Variants in ZNF438 observed in about 807,000 individuals in gnomAD.
The protein encoded by ZNF438 is zinc finger protein 438.
ZNF438 carries 25 observed loss-of-function variants against 38.0 expected under a neutral mutation model. The ratio of observed to expected loss-of-function variants is 0.66; its 90% CI spans 0.48 to 0.92. The LOEUF is 0.92. Ranked by LOEUF, ZNF438 falls within the 40% of genes least tolerant of loss-of-function variation. The probability of loss-of-function intolerance (pLI) is 0.00; values close to 1 mark genes in which losing one functional copy is unlikely to be tolerated. For missense variants in ZNF438, 1,007 were observed against 999.6 expected, an observed-to-expected ratio of 1.01 and a Z score of -0.10; for synonymous variants, 372 against 364.1, an observed-to-expected ratio of 1.02 and a Z score of -0.25.
At chr10:30,849,482 A>T in exon 5 of ZNF438, 1 of 1,614,156 alleles carries the variant, frequency 6.2e-7, no homozygotes, top group Non-Finnish European at 8.5e-7. Context: ...ATCTGATTTG[A>T]TTTTGTAAAC....
chr10:31,029,255 T>C (rs1256625918), intron 1 of ZNF438, among the ~76,000 whole-genome samples: 2 of 152,358 alleles, frequency 1.3e-5, no homozygotes, highest in East Asian at 1.9e-4. Context: ...ATAATTCTTA[T>C]GATGATTAAA....
In ZNF438 at chr10:30,845,525, G is replaced by A. The variant is rs201900241; in HGVS notation, c.1923C>T (p.Asp641=). 4.0e-5 allele frequency: 65 copies of A among 1,613,846 alleles called. 1 individual carries two copies. In the Admixed American group the frequency reaches 5.5e-4, roughly 14 times the overall value. ...CACATTTGATTTGTAATTTGACTTCGTCTGCCTGGTTTAGAAGGAAGTCTT... is the reference window on the plus strand; with the variant it reads ...CACATTTGATTTGTAATTTGACTTCATCTGCCTGGTTTAGAAGGAAGTCTT... Residue 641 remains aspartate (D), a synonymous_variant, in exon 6 of 6, where the codon GAC becomes GAT. Transcript: ENST00000413025.
chr10:30,921,206 T>C (rs926944041), intron 2 of ZNF438: 6 of 152,214 alleles, frequency 3.9e-5, no homozygotes, highest in East Asian at 3.9e-4. Context: ...TGAACCTGTA[T>C]GCAAACAAGT....
intron 1 of ZNF438, among the ~76,000 whole-genome samples, chr10:30,944,517 G>T (rs1425732136): frequency 6.6e-6 from 1 of 152,170 alleles, no homozygotes; most frequent in African/African-American, 2.4e-5. Flanking sequence ...GTTGGGTTGA[G>T]GGGAGAACTC....
In ZNF438 at chr10:30,997,247, C is replaced by T. The variant is rs2054146953; in HGVS notation, c.-192+34586G>A. On this transcript the variant is annotated intron_variant, in intron 1 of 5. Coordinates refer to ENST00000413025, the Ensembl canonical transcript of ZNF438. Reference sequence around the variant, plus strand: ...ATGGAAAATCCAGAAAACAAAGACACTGGCAAAGGATTTGGGAATCAGGTG... The same window carrying T: ...ATGGAAAATCCAGAAAACAAAGACATTGGCAAAGGATTTGGGAATCAGGTG... 2.0e-5 allele frequency among the ~76,000 whole-genome samples: 3 copies of T among 151,992 alleles called. No individual in the cohort carries two copies. The South Asian group carries it at 6.2e-4, about 32-fold the overall frequency.
chr10:30,970,143 C>T (rs866719215), intron 1 of ZNF438, among the ~76,000 whole-genome samples: 5 of 143,964 alleles, frequency 3.5e-5, no homozygotes, highest in Non-Finnish European at 7.6e-5. Context: ...CACACACACA[C>T]ATATACACAC....
chr10:30,938,777 C>CTTTATTTA (rs61394565), intron 2 of ZNF438, among the ~76,000 whole-genome samples: 165 of 149,686 alleles, frequency 1.1e-3, no homozygotes, highest in African/African-American at 3.2e-3. Context: ...GGGAAGCAAA[C>CTTTATTTA]TTTATTTATT....
intron 1 of ZNF438, among the ~76,000 whole-genome samples, chr10:30,986,049 A>C (rs2052745822): frequency 6.6e-6 from 1 of 152,204 alleles, no homozygotes; most frequent in Admixed American, 6.5e-5. Context: ...ATAGTAACAC[A>C]CTGTACAGGT....
chr10:31,005,403 A>T (rs897543971), intron 1 of ZNF438, among the ~76,000 whole-genome samples: 1 of 152,216 alleles, frequency 6.6e-6, no homozygotes, highest in African/African-American at 2.4e-5. Flanking sequence ...AATAGGCAAG[A>T]CACAGAAAAT....
intron 5 of ZNF438, among the ~76,000 whole-genome samples, chr10:30,847,811 G>T (rs1371102068): frequency 6.6e-6 from 1 of 152,218 alleles, no homozygotes; most frequent in Non-Finnish European, 1.5e-5. Context: ...GCAGCAGCCG[G>T]CGTGCCTGCC....
chr10:30,929,285 T>C (rs911565474), intron 2 of ZNF438, among the ~76,000 whole-genome samples: 2 of 152,166 alleles, frequency 1.3e-5, no homozygotes, highest in Non-Finnish European at 2.9e-5. Context: ...ACAGGTCGTG[T>C]GTTCGGAGTT....
chr10:31,007,284 T>G (rs948909617), intron 1 of ZNF438, among the ~76,000 whole-genome samples: 34 of 147,664 alleles, frequency 2.3e-4, no homozygotes, highest in Admixed American at 5.4e-4. Context: ...GTGTTTTTTT[T>G]TTTTTTTTTT....
At chr10:30,952,555 G>A in intron 1 of ZNF438, among the ~76,000 whole-genome samples, 1 of 143,684 alleles carries the variant, frequency 7.0e-6, no homozygotes, top group Non-Finnish European at 1.5e-5. Flanking sequence ...AAATTTACAA[G>A]AAAAAAACAA....
chr10:31,022,556 T>A (rs917680232), intron 1 of ZNF438, among the ~76,000 whole-genome samples: 5 of 152,152 alleles, frequency 3.3e-5, no homozygotes, highest in African/African-American at 1.2e-4. Flanking sequence ...CCACCACACC[T>A]GGCCCACTAC....
At chr10:31,007,735 A>C (rs1052945022) in intron 1 of ZNF438, among the ~76,000 whole-genome samples, 2 of 152,234 alleles carry the variant, frequency 1.3e-5, no homozygotes, top group East Asian at 3.8e-4. Flanking sequence ...GTATATAGGA[A>C]GCATTTAAAT....
At chr10:30,916,905 A>G (rs1182810692) in intron 2 of ZNF438, among the ~76,000 whole-genome samples, 2 of 152,108 alleles carry the variant, frequency 1.3e-5, no homozygotes, top group African/African-American at 2.4e-5. Flanking sequence ...GCAGGGCAAG[A>G]TAAGTTCAGG....
At chr10:30,974,386 T>C (rs1184117965) in intron 1 of ZNF438, among the ~76,000 whole-genome samples, 2 of 152,182 alleles carry the variant, frequency 1.3e-5, no homozygotes, top group African/African-American at 4.8e-5. Context: ...GGTGGGAGGA[T>C]CGCTTTAGCC....
chr10:31,017,711 T>C (rs1316319557), intron 1 of ZNF438, among the ~76,000 whole-genome samples: 1 of 152,212 alleles, frequency 6.6e-6, no homozygotes, highest in Non-Finnish European at 1.5e-5. Context: ...TCAGGAGGAT[T>C]ATACCACTCC....
rs80050499 is a variant in ZNF438 at position 30,912,195 on chromosome 10, G to A, written c.-114-3180C>T. Among the ~76,000 whole-genome samples, 56 of 152,006 alleles carry A rather than the reference G, an allele frequency of 3.7e-4. No homozygotes were observed. In the East Asian group the frequency reaches 0.01, roughly 28 times the overall value. On this transcript the variant is annotated intron_variant, in intron 2 of 5. Coordinates refer to ENST00000413025, the Ensembl canonical transcript of ZNF438. ...AGTTGCCTAAATGTTCTGACTTCAT[G>A]TCCTCATCTCCTATTCACTCCTCAT...
Sources: allele counts gnomAD v4.1 joint callset (sites outside exome capture counted in the v4.1 genomes callset), GRCh38; gene constraint gnomAD v4.1.1; transcripts MANE v1.5; gene names NCBI Gene and HGNC (gene_info 2026-07-23, HGNC 2026-07-21).